Variants in SAMD5 observed in about 807,000 individuals in gnomAD.
SAMD5 encodes the protein sterile alpha motif domain containing 5.
Under a neutral mutation model 11.3 loss-of-function variants are expected in SAMD5, and 13 were observed. The observed-to-expected ratio is 1.15, with a 90% CI of 0.75 to 1.83. The LOEUF is 1.83. SAMD5 is among the 40% of genes most tolerant of loss of function. The pLI is 0.00. For synonymous variants in SAMD5, 129 were observed against 111.3 expected, an observed-to-expected ratio of 1.16 and a Z score of -1.00; for missense variants, 255 against 239.1, an observed-to-expected ratio of 1.07 and a Z score of -0.44.
chr6:147,593,713 G>A (rs1186490280), intron 1 of SAMD5, among the ~76,000 whole-genome samples: 1 of 152,120 alleles, frequency 6.6e-6, no homozygotes, highest in Non-Finnish European at 1.5e-5. Context: ...TGCTGTGCTC[G>A]CTTCTCCATA....
chr6:147,674,605 G>T (rs568511401), intron 1 of SAMD5, among the ~76,000 whole-genome samples: 1 of 152,254 alleles, frequency 6.6e-6, no homozygotes, highest in African/African-American at 2.4e-5. Context: ...CAGCTACGGA[G>T]GATCCCTGGA....
intron 1 of SAMD5, among the ~76,000 whole-genome samples, chr6:147,609,569 A>T (rs1428032319): frequency 2.0e-5 from 3 of 152,132 alleles, no homozygotes; most frequent in Non-Finnish European, 4.4e-5. Context: ...ATTTTCTTTG[A>T]GACGGAATCT....
the SAMD5 span, among the ~76,000 whole-genome samples, chr6:147,929,834 G>T: frequency 6.6e-6 from 1 of 152,184 alleles, no homozygotes; most frequent in Non-Finnish European, 1.5e-5. Flanking sequence ...AGAAAATTTA[G>T]TGTAGCTGAA....
chr6:147,606,791 G>A (rs530368356), intron 1 of SAMD5, among the ~76,000 whole-genome samples: 1 of 152,102 alleles, frequency 6.6e-6, no homozygotes, highest in African/African-American at 2.4e-5. Flanking sequence ...TGGAAACTGA[G>A]AAACAGTGAG....
At chr6:147,858,976 A>T in the SAMD5 span, among the ~76,000 whole-genome samples, 1 of 152,214 alleles carries the variant, frequency 6.6e-6, no homozygotes, top group Non-Finnish European at 1.5e-5. Context: ...GTATGTAGAT[A>T]TATATTAAGA....
chr6:147,846,276 G>A, the SAMD5 span, among the ~76,000 whole-genome samples: 1 of 152,164 alleles, frequency 6.6e-6, no homozygotes, highest in Non-Finnish European at 1.5e-5. Context: ...CGAACTGAAG[G>A]AGTGGTGCTG....
At chr6:147,919,873 C>T in the SAMD5 span, among the ~76,000 whole-genome samples, 1 of 152,246 alleles carries the variant, frequency 6.6e-6, no homozygotes, top group African/African-American at 2.4e-5. Flanking sequence ...CTCATAAGGA[C>T]TCACAGTTAG....
the SAMD5 span, among the ~76,000 whole-genome samples, chr6:147,880,094 T>G: frequency 6.6e-6 from 1 of 152,226 alleles, no homozygotes; most frequent in African/African-American, 2.4e-5. Flanking sequence ...TTATTTAATC[T>G]TCATAAAAAT....
At chr6:147,533,462 CAAAAAAAAAA>C (rs57455955) in intron 1 of SAMD5, among the ~76,000 whole-genome samples, 2 of 89,508 alleles carry the variant, frequency 2.2e-5, no homozygotes, top group South Asian at 3.6e-4. Flanking sequence ...AATTCCATCT[CAAAAAAAAAA>C]AAAAAAAAGA....
intron 1 of SAMD5, among the ~76,000 whole-genome samples, chr6:147,559,865 A>C (rs702336): frequency 0.55 from 83,960 of 152,032 alleles, 23,449 homozygotes; most frequent in East Asian, 0.65. Context: ...CTAACATTGC[A>C]TCCTTCAGCC....
intron 1 of SAMD5, among the ~76,000 whole-genome samples, chr6:147,607,860 G>A (rs928920516): frequency 2.0e-5 from 3 of 152,152 alleles, no homozygotes; most frequent in African/African-American, 7.2e-5. Flanking sequence ...CAGAATGGGA[G>A]AGAATATTAT....
chr6:147,853,275 AGAT>A, the SAMD5 span, among the ~76,000 whole-genome samples: 1 of 152,140 alleles, frequency 6.6e-6, no homozygotes, highest in Middle Eastern at 3.2e-3. Flanking sequence ...CTCTAAGAAA[AGAT>A]GGCTTCTCAA....
chr6:147,646,323 C>G (rs574733188), intron 1 of SAMD5, among the ~76,000 whole-genome samples: 2 of 152,064 alleles, frequency 1.3e-5, no homozygotes, highest in East Asian at 3.9e-4. Context: ...GAGGCCCTAT[C>G]GCAAAAAAAT....
At chr6:147,795,266 C>T in the SAMD5 span, among the ~76,000 whole-genome samples, 115 of 141,298 alleles carry the variant, frequency 8.1e-4, 3 homozygotes, top group South Asian at 0.022. Context: ...CTTCCCGTGT[C>T]CATGTGTTCT....
chr6:147,652,403 C>T (rs150100899), intron 1 of SAMD5, among the ~76,000 whole-genome samples: 1 of 152,270 alleles, frequency 6.6e-6, no homozygotes, highest in East Asian at 1.9e-4. Context: ...GATAAAAGGA[C>T]AATCAAGTAG....
chr6:147,807,751 T>G, the SAMD5 span, among the ~76,000 whole-genome samples: 1 of 152,224 alleles, frequency 6.6e-6, no homozygotes, highest in South Asian at 2.1e-4. Flanking sequence ...ACCTTTCGTG[T>G]GTCTTACTTG....
At chr6:147,570,784 T>G (rs1391068234), downstream of SAMD5, among the ~76,000 whole-genome samples, 1 of 152,156 alleles carries the variant, frequency 6.6e-6, no homozygotes, top group Non-Finnish European at 1.5e-5. Flanking sequence ...ATTTTAGAAA[T>G]GAAAAGGACC....
chr6:147,935,084 T>A, the SAMD5 span, among the ~76,000 whole-genome samples: 1 of 152,194 alleles, frequency 6.6e-6, no homozygotes, highest in African/African-American at 2.4e-5. Flanking sequence ...GCAATGTGAT[T>A]TAGCAAACGT....
chr6:147,772,730 G>A, the SAMD5 span, among the ~76,000 whole-genome samples: 1 of 152,140 alleles, frequency 6.6e-6, no homozygotes, highest in Admixed American at 6.5e-5. Context: ...ACACTAGTCA[G>A]ATTGGATTAA....
Sources: gnomAD v4.1 joint callset for allele counts (sites outside exome capture counted in the v4.1 genomes callset) on GRCh38, gnomAD v4.1.1 for gene constraint, MANE v1.5 for transcripts, NCBI Gene and HGNC (gene_info 2026-07-23, HGNC 2026-07-21) for gene names.